DPP6: variants seen among roughly 807,000 people sequenced by gnomAD.
DPP6 encodes A-type potassium channel modulatory protein DPP6.
A neutral mutation model predicts 122.6 loss-of-function variants in DPP6; 69 were observed. The observed-to-expected ratio is 0.56, with a 90% CI of 0.46 to 0.69. The LOEUF (loss-of-function observed/expected upper bound fraction) is 0.69. DPP6 is among the 30% of genes least tolerant of loss of function. The pLI, the probability that DPP6 is intolerant of heterozygous loss-of-function variation, is 0.00. For synonymous variants in DPP6, 418 were observed against 433.1 expected (o/e 0.97, Z 0.43); for missense variants, 928 against 1,116.9 (o/e 0.83, Z 2.41).
chr7:154,581,908 G>A (rs1010720597), intron 5 of DPP6, among the ~76,000 whole-genome samples: 6 of 152,158 alleles, frequency 3.9e-5, no homozygotes, highest in Non-Finnish European at 1.5e-5. Context: ...TAGAAACCAG[G>A]ATTTTTGACT....
At chr7:153,958,383 C>T (rs963403329) in intron 1 of DPP6, among the ~76,000 whole-genome samples, 1 of 152,034 alleles carries the variant, frequency 6.6e-6, no homozygotes, top group African/African-American at 2.4e-5. Context: ...CAGGGAGGAC[C>T]CCATGCAGGA....
rs1443873830 is a variant in DPP6 at position 154,241,849 on chromosome 7, G to A, written c.243+188786G>A. 6.6e-6 allele frequency among the ~76,000 whole-genome samples: 1 copy of A among 152,108 alleles called. No individual in the cohort carries two copies. Among genetic ancestry groups the A allele is most frequent in the Non-Finnish European group, 1.5e-5 (1 of 68,010 alleles). ...CCATTTCTCTAAAACATAGCCCTGT[G>A]TCATCTCTGCTTTTCCACCCACCCC... is the stretch of plus-strand genomic sequence containing the variant. On this transcript the variant is annotated intron_variant, in intron 1 of 25. Transcript: ENST00000377770. This position sits in a 1 kb window ranked among gnomAD's most constrained non-coding sequence, Gnocchi z 9.0.
intron 5 of DPP6, among the ~76,000 whole-genome samples, chr7:154,594,462 A>G (rs1280545851): frequency 6.6e-6 from 1 of 152,176 alleles, no homozygotes; most frequent in African/African-American, 2.4e-5. Flanking sequence ...TGATGAATAA[A>G]AGGAAATTAG....
intron 1 of DPP6, among the ~76,000 whole-genome samples, chr7:153,913,220 A>G (rs1396952759): frequency 6.6e-6 from 1 of 152,128 alleles, no homozygotes; most frequent in Non-Finnish European, 1.5e-5. Flanking sequence ...GATTACAGGC[A>G]AGCACCACCA....
chr7:153,762,410 C>T, the DPP6 span, among the ~76,000 whole-genome samples: 2 of 152,190 alleles, frequency 1.3e-5, no homozygotes, highest in Admixed American at 6.5e-5. Flanking sequence ...TCATCAACTG[C>T]CAATTGGACA....
At chr7:154,188,515 T>C (rs569248291) in intron 1 of DPP6, among the ~76,000 whole-genome samples, 1 of 152,220 alleles carries the variant, frequency 6.6e-6, no homozygotes, top group South Asian at 2.1e-4. Flanking sequence ...GGTCTCTAAG[T>C]CTGATATTGC....
chr7:154,737,211 G>A (rs1044840869), intron 8 of DPP6, among the ~76,000 whole-genome samples: 1 of 152,192 alleles, frequency 6.6e-6, no homozygotes, highest in Non-Finnish European at 1.5e-5. Context: ...AACTTCGAGA[G>A]CGCTATGAAG....
At chr7:154,172,702 G>A (rs1412916859) in intron 1 of DPP6, among the ~76,000 whole-genome samples, 1 of 151,610 alleles carries the variant, frequency 6.6e-6, no homozygotes, top group African/African-American at 2.4e-5. Flanking sequence ...CTGGGGGCAA[G>A]TGATCCTCCC....
At chr7:154,433,461 G>A (rs1056321571) in intron 1 of DPP6, among the ~76,000 whole-genome samples, 4 of 151,724 alleles carry the variant, frequency 2.6e-5, no homozygotes, top group African/African-American at 7.3e-5. Flanking sequence ...GAGCCCCCTC[G>A]CCCGGCCTCA....
chr7:153,863,567 A>G, the DPP6 span, among the ~76,000 whole-genome samples: 1 of 152,176 alleles, frequency 6.6e-6, no homozygotes. Flanking sequence ...TAAGACTCCC[A>G]TCTCTAAAGA....
chr7:153,879,126 G>C, the DPP6 span, among the ~76,000 whole-genome samples: 2 of 152,324 alleles, frequency 1.3e-5, no homozygotes, highest in South Asian at 4.1e-4. Context: ...GTGGTGATGT[G>C]ATGAGATTTG....
rs1220844748 is a variant in DPP6 at position 154,603,589 on chromosome 7, G to GAGGTTGCA, written c.628-34230_628-34223dup. Among the ~76,000 whole-genome samples the GAGGTTGCA allele has an allele frequency of 3.2e-3, 329 of 101,804 alleles. 49 individuals carry two copies. The highest frequency in any genetic ancestry group is 9.4e-3 in the African/African-American group (302 of 32,204). 66.8% of individuals were successfully genotyped at this position (101,804 alleles called of 152,430 possible). On this transcript the variant is annotated intron_variant, in intron 5 of 25. Transcript: ENST00000377770. ...GAGAATTGCTTGAAACCAGGAGGTG[G>GAGGTTGCA]AGGTTGCAATGAGCCAAGATTGTGC...
chr7:153,920,802 G>A (rs1475953960), intron 1 of DPP6, among the ~76,000 whole-genome samples: 3 of 151,764 alleles, frequency 2.0e-5, no homozygotes, highest in African/African-American at 7.3e-5. Flanking sequence ...CTCATGATCT[G>A]CCCACCTCAG....
the DPP6 span, among the ~76,000 whole-genome samples, chr7:153,765,988 A>C: frequency 6.6e-6 from 1 of 152,228 alleles, no homozygotes; most frequent in Non-Finnish European, 1.5e-5. Context: ...AAGATTCTGC[A>C]TTTCTTACAA....
intron 1 of DPP6, among the ~76,000 whole-genome samples, chr7:153,975,583 AT>A (rs199877652): frequency 0.019 from 2,802 of 146,536 alleles, 17 homozygotes; most frequent in East Asian, 0.047. Flanking sequence ...TGAGAGTTCT[AT>A]TTTTTTTTTT....
intron 1 of DPP6, among the ~76,000 whole-genome samples, chr7:154,082,728 C>G (rs1804110196): frequency 6.6e-6 from 1 of 152,020 alleles, no homozygotes; most frequent in South Asian, 2.1e-4. Context: ...TTTGCTAATG[C>G]TGGTCCTGCT....
At chr7:154,842,137 A>G (rs1801601942) in intron 16 of DPP6, among the ~76,000 whole-genome samples, 1 of 152,246 alleles carries the variant, frequency 6.6e-6, no homozygotes, top group Non-Finnish European at 1.5e-5. Context: ...GCCTGTTCGC[A>G]GCGGGCCATG....
At chr7:154,173,474 A>C (rs1326589481) in intron 1 of DPP6, among the ~76,000 whole-genome samples, 1 of 151,992 alleles carries the variant, frequency 6.6e-6, no homozygotes, top group Non-Finnish European at 1.5e-5. Context: ...TTTCCCTTTC[A>C]CCCTAACAAG....
intron 17 of DPP6, among the ~76,000 whole-genome samples, chr7:154,864,876 G>A (rs1055900655): frequency 2.6e-5 from 4 of 152,184 alleles, no homozygotes; most frequent in Non-Finnish European, 4.4e-5. Flanking sequence ...AACTGGTAAC[G>A]GGCTGTTTGG....
Sources: allele counts gnomAD v4.1 joint callset (sites outside exome capture counted in the v4.1 genomes callset), GRCh38; gene constraint gnomAD v4.1.1; non-coding constraint Gnocchi (gnomAD v3.1); transcripts MANE v1.5; gene names NCBI Gene and HGNC (gene_info 2026-07-23, HGNC 2026-07-21).